Variants in LRRC37A2 observed in about 807,000 individuals in gnomAD.
The protein encoded by LRRC37A2 is leucine rich repeat containing 37 member A2.
LRRC37A2 carries 9 observed loss-of-function variants against 68.8 expected under a neutral mutation model. The observed-to-expected ratio is 0.13, with a 90% confidence interval of 0.08 to 0.23. LRRC37A2 has a LOEUF of 0.23. LRRC37A2 is among the 10% of genes least tolerant of loss of function. LRRC37A2 has a pLI of 1.00. For synonymous variants in LRRC37A2, 63 were observed against 367.6 expected (o/e 0.17, Z 9.48); for missense variants, 168 against 950.4 (o/e 0.18, Z 10.82).
chr17:46,837,360 A>C, the LRRC37A2 span, among the ~76,000 whole-genome samples: 1 of 152,180 alleles, frequency 6.6e-6, no homozygotes, highest in Admixed American at 6.5e-5. Context: ...AGCCAAATGC[A>C]GATGCTTCTT....
the LRRC37A2 span, among the ~76,000 whole-genome samples, chr17:46,733,138 C>T: frequency 9.9e-5 from 15 of 152,140 alleles, no homozygotes; most frequent in South Asian, 1.0e-3. Context: ...TTCCTAACGC[C>T]GTCTCTTTTA....
the LRRC37A2 span, among the ~76,000 whole-genome samples, chr17:46,708,230 T>C: frequency 6.6e-6 from 1 of 152,144 alleles, no homozygotes. Flanking sequence ...TGCTGGATCA[T>C]ATAGTAATTC....
At chr17:46,987,283 G>T in the LRRC37A2 span, among the ~76,000 whole-genome samples, 1 of 151,932 alleles carries the variant, frequency 6.6e-6, no homozygotes, top group Non-Finnish European at 1.5e-5. Context: ...AGCTGCAGGG[G>T]AACAGGCATG....
chr17:46,931,027 CTG>C, the LRRC37A2 span: 2 of 861,574 alleles, frequency 2.3e-6, no homozygotes, highest in Non-Finnish European at 2.0e-6. Context: ...AAAAAAAAAT[CTG>C]TGATTTATCA....
chr17:46,737,390 C>T, the LRRC37A2 span, among the ~76,000 whole-genome samples: 1 of 152,284 alleles, frequency 6.6e-6, no homozygotes, highest in Admixed American at 6.5e-5. Context: ...TTAGCATCAG[C>T]ATATCCCATA....
At chr17:46,790,219 G>T in the LRRC37A2 span, among the ~76,000 whole-genome samples, 1 of 152,102 alleles carries the variant, frequency 6.6e-6, no homozygotes, top group Non-Finnish European at 1.5e-5. Flanking sequence ...TGCAACAGGC[G>T]CCTGGGTTTG....
the LRRC37A2 span, among the ~76,000 whole-genome samples, chr17:46,846,529 G>T: frequency 6.6e-6 from 1 of 152,230 alleles, no homozygotes; most frequent in East Asian, 1.9e-4. Flanking sequence ...GCCAATAAAG[G>T]TTGTAGAACC....
the LRRC37A2 span, chr17:46,818,603 G>T: frequency 9.4e-6 from 15 of 1,591,168 alleles, no homozygotes; most frequent in Non-Finnish European, 1.3e-5. Flanking sequence ...TCCATTAGAA[G>T]AGGCGCCGAG....
the LRRC37A2 span, among the ~76,000 whole-genome samples, chr17:46,852,498 AG>A: frequency 6.8e-6 from 1 of 147,654 alleles, no homozygotes; most frequent in Non-Finnish European, 1.5e-5. Context: ...ACAGTGGGGT[AG>A]GTGACACTGG....
At chr17:46,842,162 T>A in the LRRC37A2 span, among the ~76,000 whole-genome samples, 1 of 152,206 alleles carries the variant, frequency 6.6e-6, no homozygotes, top group Non-Finnish European at 1.5e-5. Context: ...AAGTTGCTGG[T>A]ATTTAGGTCC....
At chr17:46,790,626 CCT>C in the LRRC37A2 span, among the ~76,000 whole-genome samples, 2 of 152,168 alleles carry the variant, frequency 1.3e-5, no homozygotes, top group Non-Finnish European at 2.9e-5. Context: ...CAACCCGTCC[CCT>C]GTTTTCCAAC....
chr17:46,790,300 A>G, the LRRC37A2 span, among the ~76,000 whole-genome samples: 1 of 152,154 alleles, frequency 6.6e-6, no homozygotes, highest in East Asian at 1.9e-4. Flanking sequence ...ACTTCATTAC[A>G]CATTCCAGCA....
the LRRC37A2 span, among the ~76,000 whole-genome samples, chr17:46,801,069 G>A: frequency 3.3e-5 from 5 of 152,184 alleles, no homozygotes; most frequent in East Asian, 1.9e-4. Flanking sequence ...TCTCACATGC[G>A]TTATATCCTT....
At chr17:46,751,842 G>A in the LRRC37A2 span, among the ~76,000 whole-genome samples, 1 of 152,152 alleles carries the variant, frequency 6.6e-6, no homozygotes, top group Non-Finnish European at 1.5e-5. Context: ...TATAAAGTTA[G>A]TTTTCATTTA....
chr17:46,896,497 G>T, the LRRC37A2 span, among the ~76,000 whole-genome samples: 2 of 151,234 alleles, frequency 1.3e-5, no homozygotes, highest in Non-Finnish European at 2.9e-5. Context: ...GCCAGGTACT[G>T]TGTCAGCTCA....
At chr17:46,922,505 A>C in the LRRC37A2 span, among the ~76,000 whole-genome samples, 164 of 151,692 alleles carry the variant, frequency 1.1e-3, no homozygotes, top group Admixed American at 1.8e-3. Context: ...TAAAATAAAG[A>C]AAAAAAATCT....
chr17:46,905,219 C>T, the LRRC37A2 span, among the ~76,000 whole-genome samples: 6 of 152,042 alleles, frequency 3.9e-5, no homozygotes, highest in Non-Finnish European at 8.8e-5. Context: ...ATTAAAGGTG[C>T]CTACCACCAC....
At chr17:46,813,719 A>G in the LRRC37A2 span, among the ~76,000 whole-genome samples, 9 of 152,162 alleles carry the variant, frequency 5.9e-5, no homozygotes, top group Non-Finnish European at 1.5e-5. Context: ...TTCCTGTGCC[A>G]TCCCCTGGCT....
chr17:46,818,754 C>G, the LRRC37A2 span: 4 of 753,480 alleles, frequency 5.3e-6, no homozygotes, highest in Non-Finnish European at 9.0e-6. Flanking sequence ...GAGCCCAGCG[C>G]GGAGCAGCCG....
Sources: allele counts gnomAD v4.1 joint callset (sites outside exome capture counted in the v4.1 genomes callset), GRCh38; gene constraint gnomAD v4.1.1; transcripts MANE v1.5; gene names NCBI Gene and HGNC (gene_info 2026-07-23, HGNC 2026-07-21).